DNAJC10: variants seen among roughly 807,000 people sequenced by gnomAD.
DNAJC10 encodes the protein DnaJ heat shock protein family (Hsp40) member C10.
A neutral mutation model predicts 115.0 loss-of-function variants in DNAJC10; 101 were observed. That is an observed-to-expected ratio of 0.88 (90% confidence interval 0.75 to 1.04). The LOEUF is 1.04. DNAJC10 is among the 50% of genes least tolerant of loss of function. DNAJC10 has a pLI of 0.00. For missense variants in DNAJC10, 981 were observed against 928.8 expected (o/e 1.06, Z -0.73); for synonymous variants, 307 against 301.5 (o/e 1.02, Z -0.19).
At position 182,791,777 on chromosome 2, in the gene DNAJC10, CA is replaced by C. The variant is rs1206944700; in HGVS notation, c.*14646del. The C allele has an allele frequency of 7.2e-5, 11 of 152,066 alleles. No homozygotes were observed. The highest frequency in any genetic ancestry group is 2.7e-4 in the African/African-American group (11 of 41,410). The allele number at this position is 152,066 out of a possible 1,614,324, so 9.4% of individuals were successfully genotyped here. Reference sequence around the variant, plus strand: ...AAAACAGGAGTTTAGTCATTTCAGTCACATGTTTCTAATACATGATAAGATT... The same window carrying C: ...AAAACAGGAGTTTAGTCATTTCAGTCCATGTTTCTAATACATGATAAGATT... On this transcript the variant is annotated 3_prime_UTR_variant, in exon 24 of 24. Coordinates refer to ENST00000264065, the MANE Select transcript of DNAJC10 (RefSeq NM_018981.4).
intron 21 of DNAJC10, 79 bp from the exon 22 acceptor site, chr2:182,762,602 GT>G: frequency 7.1e-7 from 1 of 1,408,100 alleles, no homozygotes; most frequent in South Asian, 1.2e-5. Flanking sequence ...GATTCAAAAT[GT>G]TTTATATCCT....
At position 182,782,675 on chromosome 2, in the gene DNAJC10, A is replaced by T. The variant is rs1336378508; in HGVS notation, c.*5543A>T. 1 of 152,094 alleles carries T rather than the reference A, an allele frequency of 6.6e-6. No homozygotes were observed. The highest frequency in any genetic ancestry group is 1.5e-5 in the Non-Finnish European group (1 of 68,018). 9.4% of individuals were successfully genotyped at this position (152,094 alleles called of 1,614,324 possible). A position where few individuals can be genotyped will look rare whatever the true frequency, so the allele number is the denominator to read the frequency against. On this transcript the variant is annotated 3_prime_UTR_variant, in exon 24 of 24. Transcript: ENST00000264065. ...TTCCTAGGTATTTAATTCTCTTTGT[A>T]GCAATTGTGAATGGGAGTTCACTCA...
intron 21 of DNAJC10, among the ~76,000 whole-genome samples, chr2:182,761,000 A>G (rs1467013194): frequency 6.6e-6 from 1 of 152,158 alleles, no homozygotes; most frequent in Non-Finnish European, 1.5e-5. Flanking sequence ...GAAAATTATT[A>G]AACATGAAAA....
Position 182,717,982 on chromosome 2 carries a change from C to T in DNAJC10, c.-105C>T. 1.4e-6 allele frequency: 1 copy of T among 726,962 alleles called. No individual in the cohort carries two copies. Among genetic ancestry groups the T allele is most frequent in the South Asian group, 2.5e-5 (1 of 39,980 alleles). 45.0% of individuals were successfully genotyped at this position (726,962 alleles called of 1,614,324 possible). ...ACAGATTTGTGATGCTTGATTCACCCTTGAAGTAATGTAGACAGAAGTTCT... is the reference window on the plus strand; with the variant it reads ...ACAGATTTGTGATGCTTGATTCACCTTTGAAGTAATGTAGACAGAAGTTCT... On this transcript the variant is annotated 5_prime_UTR_variant, in exon 3 of 24. Coordinates refer to ENST00000264065, the MANE Select transcript of DNAJC10 (RefSeq NM_018981.4).
rs375242699 is a variant in DNAJC10 at position 182,741,361 on chromosome 2, G to C, written c.1191+5G>C. 1,071 of 1,441,626 alleles carry C rather than the reference G, an allele frequency of 7.4e-4. No individual in the cohort carries two copies. Among genetic ancestry groups the C allele is most frequent in the Non-Finnish European group, 8.7e-4 (903 of 1,043,790 alleles). The allele number at this position is 1,441,626 out of a possible 1,614,324, so 89.3% of individuals were successfully genotyped here. A position where few individuals can be genotyped will look rare whatever the true frequency, so the allele number is the denominator to read the frequency against. On this transcript the variant is annotated splice_donor_5th_base_variant and intron_variant, in intron 13 of 23. Coordinates refer to ENST00000264065, the MANE Select transcript of DNAJC10 (RefSeq NM_018981.4). Reference sequence around the variant, plus strand: ...CTTAAAAATGATCATATTCAAGTAAGAAAAATGTATTCTGCCTAGCCTTCT... The same window carrying C: ...CTTAAAAATGATCATATTCAAGTAACAAAAATGTATTCTGCCTAGCCTTCT...
At chr2:182,718,888 A>G (rs1693069586) in intron 3 of DNAJC10, among the ~76,000 whole-genome samples, 1 of 152,110 alleles carries the variant, frequency 6.6e-6, no homozygotes, top group Admixed American at 6.5e-5. Flanking sequence ...TTATTTGATT[A>G]TTTCTTAGTG....
chr2:182,734,226 A>G (rs2105631741), intron 10 of DNAJC10, among the ~76,000 whole-genome samples: 1 of 151,158 alleles, frequency 6.6e-6, no homozygotes, highest in Admixed American at 6.6e-5. Context: ...TAATATATGA[A>G]TTTAGATTAT....
chr2:182,742,434 C>G (rs977770347), intron 13 of DNAJC10, among the ~76,000 whole-genome samples: 2 of 152,200 alleles, frequency 1.3e-5, no homozygotes, highest in Admixed American at 1.3e-4. Flanking sequence ...AGGTGATCCA[C>G]CCACCTCAGC....
intron 10 of DNAJC10, among the ~76,000 whole-genome samples, chr2:182,733,173 C>A (rs1180219948): frequency 6.6e-6 from 1 of 151,908 alleles, no homozygotes; most frequent in East Asian, 1.9e-4. Context: ...ATTGATTTAT[C>A]TATTTCTTAT....
chr2:182,757,101 C>G (rs1405039106), intron 18 of DNAJC10, among the ~76,000 whole-genome samples: 2 of 152,076 alleles, frequency 1.3e-5, no homozygotes, highest in Admixed American at 1.3e-4. Flanking sequence ...AAGCTTTCAG[C>G]ATGTGTATTT....
Position 182,785,981 on chromosome 2 carries a change from G to A in DNAJC10, c.*8849G>A, listed in dbSNP as rs1260750871. The A allele has an allele frequency of 2.0e-5, 3 of 152,082 alleles. No individual in the cohort carries two copies. Among genetic ancestry groups the A allele is most frequent in the African/African-American group, 7.2e-5 (3 of 41,416 alleles). The allele number at this position is 152,082 out of a possible 1,614,324, so 9.4% of individuals were successfully genotyped here. A position where few individuals can be genotyped will look rare whatever the true frequency, so the allele number is the denominator to read the frequency against. ...GATCTGAGAGAAACCAAAAAAAAGT[G>A]GGGAGATAATAATCCAGGGACTTTG... On this transcript the variant is annotated 3_prime_UTR_variant, in exon 24 of 24. Coordinates refer to ENST00000264065, the MANE Select transcript of DNAJC10 (RefSeq NM_018981.4).
intron 3 of DNAJC10, among the ~76,000 whole-genome samples, chr2:182,719,256 T>C (rs968713562): frequency 3.5e-5 from 5 of 142,522 alleles, no homozygotes; most frequent in Non-Finnish European, 4.6e-5. Flanking sequence ...TTTTCTTTTT[T>C]TTTTTTTTTT....
In DNAJC10 at chr2:182,779,889, T is replaced by G. The variant is rs1247459796; in HGVS notation, c.*2757T>G. 1 of 152,162 alleles carries G rather than the reference T, an allele frequency of 6.6e-6. No individual in the cohort carries two copies. The highest frequency in any genetic ancestry group is 1.5e-5 in the Non-Finnish European group (1 of 68,036). 9.4% of individuals were successfully genotyped at this position (152,162 alleles called of 1,614,324 possible). ...TAAAAGGGTAGCACTTTTAAGTCAT[T>G]TGAATAGAATATTTGTGTAATATTT... On this transcript the variant is annotated 3_prime_UTR_variant, in exon 24 of 24. Transcript: ENST00000264065.
chr2:182,775,413 G>A lies in DNAJC10; in HGVS notation c.2363G>A (p.Arg788Lys). ...GAAACTCTCCGAAATCAAGGCAAGA[G>A]GAATAAGGTATGGACTAAGCCTAGA... ...KLETLRNQGKRNKDEL is the reference protein window; with the variant it reads ...KLETLRNQGKKNKDEL The change falls in exon 23 of 24, where the codon AGG becomes AAG. Residue 788 changes from arginine to lysine, a missense_variant. Coordinates refer to ENST00000264065, the MANE Select transcript of DNAJC10 (RefSeq NM_018981.4). The A allele has an allele frequency of 6.2e-7, 1 of 1,610,098 alleles. No homozygotes were observed. The highest frequency in any genetic ancestry group is 8.5e-7 in the Non-Finnish European group (1 of 1,176,936).
At chr2:182,723,702 CAAA>C (rs1693213511) in intron 5 of DNAJC10, among the ~76,000 whole-genome samples, 1 of 152,130 alleles carries the variant, frequency 6.6e-6, no homozygotes, top group Non-Finnish European at 1.5e-5. Flanking sequence ...AGGAACTGAA[CAAA>C]ACTTGCAAGC....
At chr2:182,740,216 A>G (rs1355335162) in intron 11 of DNAJC10, 83 bp from the exon 12 acceptor site, 20 of 1,194,822 alleles carry the variant, frequency 1.7e-5, no homozygotes, top group African/African-American at 1.1e-4. Context: ...TAAAAATACT[A>G]CATTGGAAAT....
rs555584379 is a variant in DNAJC10 at position 182,743,822 on chromosome 2, CTT to C, written c.1306+113_1306+114del. ...TTACGGACATGCTTATTGTAAATAA[CTT>C]TTCTCAGTAAATATGAGGACAGATA... On this transcript the variant is annotated intron_variant, in intron 14 of 23. Coordinates refer to ENST00000264065, the MANE Select transcript of DNAJC10 (RefSeq NM_018981.4). 2,277 of 714,250 alleles carry C rather than the reference CTT, an allele frequency of 3.2e-3. 66 individuals are homozygous for C. The South Asian group carries it at 0.039, about 12-fold the overall frequency. The allele number at this position is 714,250 out of a possible 1,614,324, so 44.2% of individuals were successfully genotyped here. A position where few individuals can be genotyped will look rare whatever the true frequency, so the allele number is the denominator to read the frequency against.
chr2:182,766,718 C>A (rs1226201318), intron 22 of DNAJC10, among the ~76,000 whole-genome samples: 1 of 152,102 alleles, frequency 6.6e-6, no homozygotes, highest in African/African-American at 2.4e-5. Context: ...CAGCCACTTT[C>A]CTTCCCTCCT....
chr2:182,751,593 T>C (rs965301422), intron 14 of DNAJC10, 65 bp from the exon 15 acceptor site: 21 of 1,538,748 alleles, frequency 1.4e-5, no homozygotes, highest in Non-Finnish European at 1.8e-5. Context: ...ATTAAAACTT[T>C]GAAATGTCTC....
Sources: allele counts gnomAD v4.1 joint callset (sites outside exome capture counted in the v4.1 genomes callset), GRCh38; gene constraint gnomAD v4.1.1; transcripts MANE v1.5; gene names NCBI Gene and HGNC (gene_info 2026-07-23, HGNC 2026-07-21).